The following PAM variants were observed in gnomAD, a reference collection of about 807,000 sequenced individuals.
The protein encoded by PAM is peptidylglycine alpha-amidating monooxygenase.
In PAM, 72 loss-of-function variants were observed where a neutral mutation model predicts 122.1. That is an observed-to-expected ratio of 0.59 (90% CI 0.49 to 0.72). The LOEUF (loss-of-function observed/expected upper bound fraction) is 0.72. PAM is among the 30% of genes least tolerant of loss of function. The pLI, the probability that PAM is intolerant of heterozygous loss-of-function variation, is 0.00. For synonymous variants in PAM, 389 were observed against 404.4 expected, an observed-to-expected ratio of 0.96 and a Z score of 0.46; for missense variants, 1,106 against 1,183.7, an observed-to-expected ratio of 0.93 and a Z score of 0.96.
chr5:102,821,199 A>G (rs900024092), intron 1 of PAM, among the ~76,000 whole-genome samples: 3 of 152,212 alleles, frequency 2.0e-5, no homozygotes, highest in Non-Finnish European at 4.4e-5. Context: ...AAGAGTTTTA[A>G]CCTTCTTTAA....
intron 4 of PAM, among the ~76,000 whole-genome samples, chr5:102,909,425 G>T (rs535196365): frequency 6.6e-6 from 1 of 151,844 alleles, no homozygotes; most frequent in Non-Finnish European, 1.5e-5. Flanking sequence ...TCTTTGTCCT[G>T]TACATTTAAA....
chr5:103,013,649 TC>T (rs1781237982), intron 21 of PAM, among the ~76,000 whole-genome samples: 1 of 152,204 alleles, frequency 6.6e-6, no homozygotes, highest in Admixed American at 6.5e-5. Flanking sequence ...TAGAAATTAG[TC>T]TAATACTGAC....
chr5:102,851,967 G>A (rs898475270), intron 1 of PAM, among the ~76,000 whole-genome samples: 3 of 152,064 alleles, frequency 2.0e-5, no homozygotes, highest in African/African-American at 7.2e-5. Flanking sequence ...AGGTATTGTG[G>A]AACAAAATGC....
At chr5:102,925,482 T>C (rs1158361451) in intron 6 of PAM, among the ~76,000 whole-genome samples, 1 of 152,188 alleles carries the variant, frequency 6.6e-6, no homozygotes, top group Non-Finnish European at 1.5e-5. Flanking sequence ...GTACATAGCT[T>C]TCAATGTGTG....
chr5:102,788,559 A>T (rs144553645), intron 1 of PAM, among the ~76,000 whole-genome samples: 1 of 152,234 alleles, frequency 6.6e-6, no homozygotes, highest in Admixed American at 6.5e-5. Flanking sequence ...GAAATGCCTT[A>T]CCTATTTTTA....
chr5:103,028,798 A>C, intron 25 of PAM, 89 bp from the exon 26 acceptor site: 3 of 836,872 alleles, frequency 3.6e-6, no homozygotes, highest in Non-Finnish European at 3.8e-6. Context: ...TCCCATCCCC[A>C]CCTTCTGACT....
intron 1 of PAM, among the ~76,000 whole-genome samples, chr5:102,822,423 G>A (rs777617727): frequency 1.3e-5 from 2 of 152,020 alleles, no homozygotes; most frequent in South Asian, 2.1e-4. Context: ...AATTCCAAGC[G>A]GGACCATTTA....
intron 1 of PAM, among the ~76,000 whole-genome samples, chr5:102,818,976 T>C (rs1290934981): frequency 6.6e-6 from 1 of 152,206 alleles, no homozygotes; most frequent in African/African-American, 2.4e-5. Context: ...GATATGAATC[T>C]CCGAATTTAC....
intron 5 of PAM, among the ~76,000 whole-genome samples, chr5:102,916,622 C>CTT (rs1038427525): frequency 1.5e-5 from 2 of 135,586 alleles, no homozygotes; most frequent in Non-Finnish European, 3.0e-5. Flanking sequence ...ACAATCAGGC[C>CTT]TTTTTATATA....
chr5:102,759,019 A>T (rs1192584567), intron 1 of PAM, among the ~76,000 whole-genome samples: 1 of 152,260 alleles, frequency 6.6e-6, no homozygotes, highest in Non-Finnish European at 1.5e-5. Context: ...AGGCACTGAC[A>T]TACAATGGTA....
intron 3 of PAM, among the ~76,000 whole-genome samples, chr5:102,881,244 A>G (rs1222315199): frequency 6.6e-6 from 1 of 152,070 alleles, no homozygotes; most frequent in African/African-American, 2.4e-5. Flanking sequence ...CTATGTATAT[A>G]AAGAGTTCCT....
chr5:102,973,847 G>A (rs1766684620), intron 14 of PAM, among the ~76,000 whole-genome samples: 1 of 152,064 alleles, frequency 6.6e-6, no homozygotes. Context: ...ACCATTTATT[G>A]AAATGTGCCA....
rs1208542887 is a variant in PAM, at chr5:102,949,401, T to G, written c.644-136T>G. 3 of 675,332 alleles carry G rather than the reference T, an allele frequency of 4.4e-6. No homozygotes were observed. The African/African-American group carries it at 5.5e-5, about 12-fold the overall frequency. 41.8% of individuals were successfully genotyped at this position (675,332 alleles called of 1,614,324 possible). A position where few individuals can be genotyped will look rare whatever the true frequency, so the allele number is the denominator to read the frequency against. ...AAGTGGCTGGCACAGAATAAGTGCT[T>G]AATATCTGTGTATTTAAGTCATAAG... On this transcript the variant is annotated intron_variant, in intron 9 of 25. Transcript: ENST00000438793.
intron 13 of PAM, 138 bp from the exon 14 acceptor site, chr5:102,961,020 G>GTCTTATAAAT (rs1448454716): frequency 3.6e-5 from 15 of 421,294 alleles, no homozygotes; most frequent in Non-Finnish European, 5.8e-5. Context: ...GAGCATTTCT[G>GTCTTATAAAT]TCTTATAAAT....
intron 1 of PAM, among the ~76,000 whole-genome samples, chr5:102,762,933 A>G (rs1188052885): frequency 6.6e-6 from 1 of 152,242 alleles, no homozygotes; most frequent in Non-Finnish European, 1.5e-5. Flanking sequence ...ATAATAGAAA[A>G]TGCCAAGGAG....
At chr5:103,026,258 G>A (rs1029270422) in intron 24 of PAM, among the ~76,000 whole-genome samples, 1 of 152,142 alleles carries the variant, frequency 6.6e-6, no homozygotes, top group African/African-American at 2.4e-5. Context: ...CTATAGCTGT[G>A]TGTGGGAAGA....
chr5:102,766,852 T>A (rs1362676964), intron 1 of PAM, among the ~76,000 whole-genome samples: 1 of 151,432 alleles, frequency 6.6e-6, no homozygotes, highest in Non-Finnish European at 1.5e-5. Context: ...TGAAAAAATA[T>A]GCAATTCATA....
At chr5:102,868,869 G>A (rs1786446939) in intron 3 of PAM, among the ~76,000 whole-genome samples, 1 of 152,160 alleles carries the variant, frequency 6.6e-6, no homozygotes, top group Admixed American at 6.5e-5. Flanking sequence ...AGTAATCTCA[G>A]AAAGAGATCT....
chr5:102,955,191 T>C (rs555597794), intron 12 of PAM, among the ~76,000 whole-genome samples: 2 of 152,130 alleles, frequency 1.3e-5, no homozygotes, highest in East Asian at 3.9e-4. Flanking sequence ...AGACATGGAA[T>C]ACAATGATAT....
Sources: gnomAD v4.1 joint callset for allele counts (sites outside exome capture counted in the v4.1 genomes callset) on GRCh38, gnomAD v4.1.1 for gene constraint, MANE v1.5 for transcripts, NCBI Gene and HGNC (gene_info 2026-07-23, HGNC 2026-07-21) for gene names.